Variants in NEK1 observed in about 807,000 individuals in gnomAD.
The protein encoded by NEK1 is NIMA related kinase 1.
In NEK1, 137 loss-of-function variants were observed where a neutral mutation model predicts 182.1. That is an observed-to-expected ratio of 0.75 (90% CI 0.65 to 0.87). The LOEUF is 0.87. Ranked by LOEUF, NEK1 falls within the 40% of genes least tolerant of loss-of-function variation. The pLI is 0.00. For missense variants in NEK1, 1,391 were observed against 1,494.4 expected, an observed-to-expected ratio of 0.93 and a Z score of 1.14; for synonymous variants, 513 against 492.2, an observed-to-expected ratio of 1.04 and a Z score of -0.56.
chr4:169,522,378 CAAT>C (rs1756217952), intron 19 of NEK1, among the ~76,000 whole-genome samples: 1 of 152,168 alleles, frequency 6.6e-6, no homozygotes, highest in Admixed American at 6.6e-5. Flanking sequence ...AATGTCAAAT[CAAT>C]GTCATTTCTC....
chr4:169,604,965 G>A (rs1350651751), intron 2 of NEK1, among the ~76,000 whole-genome samples: 1 of 151,870 alleles, frequency 6.6e-6, no homozygotes, highest in Non-Finnish European at 1.5e-5. Flanking sequence ...GGCTATCTGG[G>A]CACCAGCCAC....
At chr4:169,491,348 T>C (rs563084270) in intron 23 of NEK1, among the ~76,000 whole-genome samples, 5 of 151,966 alleles carry the variant, frequency 3.3e-5, no homozygotes, top group Admixed American at 3.3e-4. Flanking sequence ...GACAAAGAAT[T>C]TTAAAAGCAG....
chr4:169,505,057 C>T (rs545234791), intron 23 of NEK1, among the ~76,000 whole-genome samples: 2 of 152,050 alleles, frequency 1.3e-5, no homozygotes, highest in Middle Eastern at 3.4e-3. Context: ...TAAGGCACAA[C>T]TTACAGAAAA....
intron 23 of NEK1, among the ~76,000 whole-genome samples, chr4:169,489,013 A>C (rs1340667606): frequency 6.6e-6 from 1 of 152,212 alleles, no homozygotes; most frequent in Non-Finnish European, 1.5e-5. Context: ...CAAACAAGCT[A>C]ATTAATTGGC....
intron 32 of NEK1, among the ~76,000 whole-genome samples, chr4:169,404,852 G>A (rs1332185936): frequency 6.6e-6 from 1 of 151,874 alleles, no homozygotes; most frequent in African/African-American, 2.4e-5. Context: ...ACTCCTTACA[G>A]CTCTCAGAGG....
chr4:169,541,451 G>C (rs1431290051), intron 18 of NEK1, among the ~76,000 whole-genome samples: 2 of 152,040 alleles, frequency 1.3e-5, no homozygotes, highest in African/African-American at 4.8e-5. Flanking sequence ...AAGGTAGACT[G>C]GTCAGAGTTA....
At chr4:169,446,189 AAAT>A (rs913152240) in intron 27 of NEK1, among the ~76,000 whole-genome samples, 2 of 152,116 alleles carry the variant, frequency 1.3e-5, no homozygotes, top group Middle Eastern at 3.2e-3. Flanking sequence ...CTAGTAGAAG[AAAT>A]AATAATCAAG....
Position 169,576,989 on chromosome 4 carries a change from G to A in NEK1, c.959C>T (p.Ala320Val), listed in dbSNP as rs567111510. ...KPAAKYGIPL[A>V]YKKYGDKKLH... Reference sequence around the variant, plus strand: ...TTTTTTATCTCCATATTTCTTATATGCTAAAGGTATTCCATATTTAGCGGC... The same window carrying A: ...TTTTTTATCTCCATATTTCTTATATACTAAAGGTATTCCATATTTAGCGGC... The change falls in exon 12 of 36, where the codon GCA becomes GTA. Residue 320 changes from alanine (A) to valine (V), a missense_variant. By Grantham distance (64) the Ala-to-Val change is moderately conservative (BLOSUM62 0). Around this residue, in one of 5 missense-constraint regions of NEK1, gnomAD observed 1,216 missense variants for 1,277.6 expected, o/e 0.95. Transcript: ENST00000507142. The A allele has an allele frequency of 4.7e-5, 75 of 1,605,248 alleles. 1 individual carries two copies. In the South Asian group the frequency reaches 8.2e-4, roughly 18 times the overall value.
chr4:169,528,030 T>C (rs1310031477), intron 19 of NEK1, among the ~76,000 whole-genome samples: 1 of 152,092 alleles, frequency 6.6e-6, no homozygotes, highest in Non-Finnish European at 1.5e-5. Flanking sequence ...GGAATGGGTA[T>C]AATACTATAA....
chr4:169,411,222 G>C (rs1733614619), intron 31 of NEK1, among the ~76,000 whole-genome samples: 1 of 151,602 alleles, frequency 6.6e-6, no homozygotes, highest in Non-Finnish European at 1.5e-5. Context: ...CCAAACCTAA[G>C]GCCACATTTT....
intron 2 of NEK1, among the ~76,000 whole-genome samples, chr4:169,608,561 G>C (rs1191933256): frequency 6.6e-6 from 1 of 151,926 alleles, no homozygotes; most frequent in East Asian, 1.9e-4. Context: ...AAACCTTGAG[G>C]GATTAATATG....
At chr4:169,493,078 T>A (rs1750421753) in intron 23 of NEK1, among the ~76,000 whole-genome samples, 1 of 152,148 alleles carries the variant, frequency 6.6e-6, no homozygotes, top group Admixed American at 6.5e-5. Context: ...ATCTGCTGTA[T>A]CTTACTCTTC....
At chr4:169,601,903 C>T (rs971256772) in intron 4 of NEK1, 105 bp downstream of exon 4, 36 of 765,802 alleles carry the variant, frequency 4.7e-5, no homozygotes, top group African/African-American at 3.3e-4. Context: ...TATTCATATG[C>T]GTATGTTTTT....
intron 19 of NEK1, among the ~76,000 whole-genome samples, chr4:169,523,078 G>C (rs1286129090): frequency 6.6e-6 from 1 of 152,164 alleles, no homozygotes; most frequent in African/African-American, 2.4e-5. Context: ...TATATTTAGA[G>C]GGAAGGAACA....
chr4:169,571,274 C>T (rs563194676), intron 12 of NEK1, among the ~76,000 whole-genome samples: 9 of 152,126 alleles, frequency 5.9e-5, no homozygotes, highest in Admixed American at 1.3e-4. Context: ...AATCCCAGAA[C>T]TTTGGGAGGC....
intron 18 of NEK1, among the ~76,000 whole-genome samples, chr4:169,553,824 G>A (rs946518952): frequency 4.6e-5 from 7 of 152,110 alleles, no homozygotes; most frequent in Non-Finnish European, 2.9e-5. Context: ...GCCAAAATCC[G>A]AAACACTGAC....
At chr4:169,490,806 G>C (rs955241225) in intron 23 of NEK1, among the ~76,000 whole-genome samples, 1 of 151,968 alleles carries the variant, frequency 6.6e-6, no homozygotes, top group Non-Finnish European at 1.5e-5. Context: ...AGGAATTATG[G>C]AACACCATGA....
At chr4:169,601,083 T>C (rs576389960) in intron 4 of NEK1, among the ~76,000 whole-genome samples, 14 of 152,344 alleles carry the variant, frequency 9.2e-5, no homozygotes, top group Non-Finnish European at 1.9e-4. Context: ...CTCTTTCACA[T>C]GAAATATAAA....
At chr4:169,578,917 C>T (rs1766146902) in intron 11 of NEK1, among the ~76,000 whole-genome samples, 1 of 152,058 alleles carries the variant, frequency 6.6e-6, no homozygotes, top group African/African-American at 2.4e-5. Flanking sequence ...TTTGAGAGTT[C>T]AACAGTACAA....
Sources: gnomAD v4.1 joint callset for allele counts (sites outside exome capture counted in the v4.1 genomes callset) on GRCh38, gnomAD v4.1.1 for gene constraint, gnomAD v4.1.1 regional missense constraint, MANE v1.5 for transcripts, NCBI Gene and HGNC (gene_info 2026-07-23, HGNC 2026-07-21) for gene names.